NLGN1: variants seen among roughly 807,000 people sequenced by gnomAD.
NLGN1 encodes the protein neuroligin 1.
In NLGN1, 12 loss-of-function variants were observed where a neutral mutation model predicts 65.5. The observed-to-expected ratio is 0.18, with a 90% CI of 0.12 to 0.30. The LOEUF (loss-of-function observed/expected upper bound fraction) is 0.30, where lower values mean the gene tolerates loss of function less well. Among genes scored for constraint, NLGN1 ranks in the 10% least tolerant of loss-of-function variants. The probability of loss-of-function intolerance (pLI) is 1.00; values close to 1 mark genes in which losing one functional copy is unlikely to be tolerated. For missense variants in NLGN1, 750 were observed against 1,007.1 expected (o/e 0.74, Z 3.46); for synonymous variants, 350 against 359.5 (o/e 0.97, Z 0.30).
chr3:173,769,264 G>T lies in NLGN1; in HGVS notation c.494-38416G>T, dbSNP rs188882119. Among the ~76,000 whole-genome samples, 86 of 152,246 alleles carry T rather than the reference G, an allele frequency of 5.6e-4. 1 individual carries two copies. In the East Asian group the frequency reaches 0.016, roughly 28 times the overall value. Reference sequence around the variant, plus strand: ...GCCAAAAATTTTTCAGTGGTTCACTGTTTCTTCCAGGAGAAAGACCAAGCT... The same window carrying T: ...GCCAAAAATTTTTCAGTGGTTCACTTTTTCTTCCAGGAGAAAGACCAAGCT... On this transcript the variant is annotated intron_variant, in intron 3 of 6. Transcript: ENST00000457714.
At chr3:174,260,979 AAGATC>A (rs1162171299) in intron 4 of NLGN1, among the ~76,000 whole-genome samples, 1 of 151,650 alleles carries the variant, frequency 6.6e-6, no homozygotes, top group Non-Finnish European at 1.5e-5. Flanking sequence ...AGGTTTGTCA[AAGATC>A]AGATAGTTGT....
chr3:174,197,538 G>A (rs73880402), intron 4 of NLGN1, among the ~76,000 whole-genome samples: 23,196 of 106,932 alleles, frequency 0.22, 2,676 homozygotes, highest in African/African-American at 0.32. Context: ...AAAAAAAAAA[G>A]GAGAATCCAG....
At chr3:173,468,166 T>C (rs983963091) in intron 2 of NLGN1, among the ~76,000 whole-genome samples, 1 of 152,112 alleles carries the variant, frequency 6.6e-6, no homozygotes, top group South Asian at 2.1e-4. Context: ...GCACTTGATA[T>C]GGTGTCTGGC....
At chr3:173,783,399 T>G (rs974782934) in intron 3 of NLGN1, among the ~76,000 whole-genome samples, 1 of 152,160 alleles carries the variant, frequency 6.6e-6, no homozygotes, top group African/African-American at 2.4e-5. Context: ...AGACTTTCAC[T>G]CTCCCTGGCC....
intron 4 of NLGN1, among the ~76,000 whole-genome samples, chr3:174,223,421 G>A (rs1249678877): frequency 1.3e-5 from 2 of 152,042 alleles, no homozygotes; most frequent in Non-Finnish European, 2.9e-5. Context: ...CTTCTCCCTC[G>A]GATTTCAGTA....
In NLGN1 at chr3:173,725,180, TA is replaced by T. The variant is rs201161271; in HGVS notation, c.494-82493del. Among the ~76,000 whole-genome samples the T allele has an allele frequency of 4.3e-3, 645 of 151,456 alleles. 5 individuals carry two copies. The highest frequency in any genetic ancestry group is 0.015 in the African/African-American group (612 of 41,306). On this transcript the variant is annotated intron_variant, in intron 3 of 6. Transcript: ENST00000457714. ...TACCCTAGAACTTAAAGTATAATAA[TA>T]AAAAAAGAAAAAAATAATATTTTAT...
chr3:173,472,792 C>T (rs1214118744), intron 2 of NLGN1, among the ~76,000 whole-genome samples: 1 of 152,008 alleles, frequency 6.6e-6, no homozygotes, highest in Non-Finnish European at 1.5e-5. Flanking sequence ...CAGCATTTTT[C>T]AATTGTCGAC....
At chr3:173,582,870 T>A (rs777366311) in intron 2 of NLGN1, among the ~76,000 whole-genome samples, 5 of 152,156 alleles carry the variant, frequency 3.3e-5, no homozygotes, top group African/African-American at 4.8e-5. Flanking sequence ...TCCCTCTAAA[T>A]GTTGTAAAAT....
rs574361260 is a variant in NLGN1, at chr3:173,677,891, A to G, written c.493+72800A>G. On this transcript the variant is annotated intron_variant, in intron 3 of 6. Coordinates refer to ENST00000457714, the Ensembl canonical transcript of NLGN1. ...GTCTTACAGCCAAACTAAAGATGGG[A>G]TTAAACTTTGGGGCTAACAGCAGAG... is the stretch of plus-strand genomic sequence containing the variant. Among the ~76,000 whole-genome samples, 21 of 152,266 alleles carry G rather than the reference A, an allele frequency of 1.4e-4. No individual in the cohort carries two copies. The South Asian group carries it at 4.3e-3, about 32-fold the overall frequency.
At chr3:173,747,110 A>G (rs926014059) in intron 3 of NLGN1, among the ~76,000 whole-genome samples, 1 of 149,988 alleles carries the variant, frequency 6.7e-6, no homozygotes, top group Non-Finnish European at 1.5e-5. Context: ...ACGTGTGTAT[A>G]CCACGTGTAT....
chr3:173,404,615 T>C (rs1447026391), intron 1 of NLGN1, among the ~76,000 whole-genome samples: 2 of 152,144 alleles, frequency 1.3e-5, no homozygotes, highest in Admixed American at 6.5e-5. Context: ...TAGATCTATA[T>C]TGTGGTGGGC....
chr3:174,031,958 A>G (rs1730122935), intron 4 of NLGN1, among the ~76,000 whole-genome samples: 1 of 151,976 alleles, frequency 6.6e-6, no homozygotes, highest in African/African-American at 2.4e-5. Context: ...ACAAAAAAAA[A>G]TAGTTATTAT....
chr3:174,095,437 G>C (rs959286523), intron 4 of NLGN1, among the ~76,000 whole-genome samples: 1 of 151,706 alleles, frequency 6.6e-6, no homozygotes, highest in Non-Finnish European at 1.5e-5. Flanking sequence ...ACACATGATA[G>C]GGGAGTCACT....
intron 4 of NLGN1, among the ~76,000 whole-genome samples, chr3:174,144,022 C>T (rs1722758351): frequency 1.3e-5 from 2 of 152,110 alleles, no homozygotes; most frequent in South Asian, 2.1e-4. Flanking sequence ...ACCCATCAAC[C>T]CATCATCTAC....
At chr3:173,602,056 C>A (rs147827943) in intron 2 of NLGN1, among the ~76,000 whole-genome samples, 139 of 152,090 alleles carry the variant, frequency 9.1e-4, no homozygotes, top group African/African-American at 3.3e-3. Flanking sequence ...CAACGGGCTC[C>A]TGGATCTGCT....
At chr3:173,427,317 T>C (rs913497671) in intron 1 of NLGN1, among the ~76,000 whole-genome samples, 2 of 151,968 alleles carry the variant, frequency 1.3e-5, no homozygotes, top group Admixed American at 1.3e-4. Context: ...TCATTTACTT[T>C]TGCTCTGATT....
chr3:173,811,959 G>A (rs77600296), intron 4 of NLGN1, among the ~76,000 whole-genome samples: 3 of 152,010 alleles, frequency 2.0e-5, no homozygotes, highest in South Asian at 2.1e-4. Flanking sequence ...TTGGGCAAAC[G>A]AGATTTTAAT....
chr3:173,663,584 C>T (rs1386690631), intron 3 of NLGN1, among the ~76,000 whole-genome samples: 3 of 151,808 alleles, frequency 2.0e-5, no homozygotes, highest in East Asian at 1.9e-4. Flanking sequence ...TGTAAAGAAC[C>T]GTGCTGAACA....
At chr3:173,524,381 G>C (rs184994970) in intron 2 of NLGN1, among the ~76,000 whole-genome samples, 34 of 152,248 alleles carry the variant, frequency 2.2e-4, no homozygotes, top group Middle Eastern at 3.4e-3. Flanking sequence ...TTATTGTTGT[G>C]TAGAAATGCT....
Sources: allele counts gnomAD v4.1 joint callset (sites outside exome capture counted in the v4.1 genomes callset), GRCh38; gene constraint gnomAD v4.1.1; transcripts MANE v1.5; gene names NCBI Gene and HGNC (gene_info 2026-07-23, HGNC 2026-07-21).